Variants in COX10 observed in about 807,000 individuals in gnomAD.
COX10 encodes protoheme IX farnesyltransferase, mitochondrial.
A neutral mutation model predicts 37.3 loss-of-function variants in COX10; 27 were observed. The observed-to-expected ratio is 0.72, with a 90% CI of 0.53 to 1.00. The LOEUF is 1.00. Among genes scored for constraint, COX10 ranks in the 50% least tolerant of loss-of-function variants. The pLI is 0.00. For synonymous variants in COX10, 222 were observed against 229.1 expected (o/e 0.97, Z 0.28); for missense variants, 475 against 563.2 (o/e 0.84, Z 1.59).
intron 4 of COX10, among the ~76,000 whole-genome samples, 173 bp from the exon 5 acceptor site, chr17:14,159,704 T>TTTTG (rs891473032): frequency 6.6e-6 from 1 of 152,258 alleles, no homozygotes; most frequent in East Asian, 1.9e-4. Flanking sequence ...TGTTTTGGTT[T>TTTTG]TTTGTTTGTT....
chr17:14,171,195 C>A (rs1452226329), intron 5 of COX10, among the ~76,000 whole-genome samples: 1 of 152,152 alleles, frequency 6.6e-6, no homozygotes, highest in African/African-American at 2.4e-5. Context: ...CATCGGAACA[C>A]TTTTGTGGAG....
At chr17:14,186,620 T>A (rs1188865699) in intron 5 of COX10, among the ~76,000 whole-genome samples, 9 of 151,848 alleles carry the variant, frequency 5.9e-5, no homozygotes, top group African/African-American at 2.2e-4. Flanking sequence ...GGACCACACC[T>A]GTCTTGCTCA....
At chr17:14,162,365 A>G (rs1395929962) in intron 5 of COX10, among the ~76,000 whole-genome samples, 1 of 152,174 alleles carries the variant, frequency 6.6e-6, no homozygotes, top group Non-Finnish European at 1.5e-5. Context: ...ATAACGCTAT[A>G]TTTGCCTTCA....
At chr17:14,190,688 T>G (rs549306981) in intron 5 of COX10, among the ~76,000 whole-genome samples, 37 of 152,228 alleles carry the variant, frequency 2.4e-4, no homozygotes, top group Middle Eastern at 3.4e-3. Context: ...CATATTCTGT[T>G]GCCCTGACTT....
At chr17:14,124,253 T>C (rs1270057129) in intron 4 of COX10, among the ~76,000 whole-genome samples, 2 of 152,190 alleles carry the variant, frequency 1.3e-5, no homozygotes, top group Non-Finnish European at 2.9e-5. Context: ...GGCACAAAAT[T>C]TGTGACTTGT....
At chr17:14,119,035 C>T (rs1916173328) in intron 4 of COX10, among the ~76,000 whole-genome samples, 1 of 151,936 alleles carries the variant, frequency 6.6e-6, no homozygotes, top group South Asian at 2.1e-4. Context: ...TATTGTTTTC[C>T]ATTTTTTATG....
Position 14,076,587 on chromosome 17 carries a change from A to C in COX10, c.178-148A>C, listed in dbSNP as rs1000736050. 4 of 771,446 alleles carry C rather than the reference A, an allele frequency of 5.2e-6. No individual in the cohort carries two copies. The African/African-American group carries it at 6.9e-5, about 13-fold the overall frequency. The allele number at this position is 771,446 out of a possible 1,614,324, so 47.8% of individuals were successfully genotyped here. A position where few individuals can be genotyped will look rare whatever the true frequency, so the allele number is the denominator to read the frequency against. ...TATAGTGATTTCCATATAGCACTCT[A>C]TAAATACATGCCGAATTAACAGATA... On this transcript the variant is annotated intron_variant, in intron 2 of 6. Coordinates refer to ENST00000261643, the MANE Select transcript of COX10 (RefSeq NM_001303.4).
At chr17:14,155,023 G>A (rs1905002537) in intron 4 of COX10, among the ~76,000 whole-genome samples, 1 of 152,180 alleles carries the variant, frequency 6.6e-6, no homozygotes, top group Non-Finnish European at 1.5e-5. Flanking sequence ...AGTGTGAGAA[G>A]TCCATTAAAT....
chr17:14,118,991 G>T (rs913812009), intron 4 of COX10, among the ~76,000 whole-genome samples: 1 of 150,734 alleles, frequency 6.6e-6, no homozygotes, highest in African/African-American at 2.4e-5. Context: ...TAGTAGGATT[G>T]TTTTTTTCAA....
intron 6 of COX10, 147 bp from the exon 7 acceptor site, chr17:14,206,663 C>G: frequency 9.8e-7 from 1 of 1,019,092 alleles, no homozygotes; most frequent in East Asian, 2.4e-5. Flanking sequence ...CCCAGCCACC[C>G]TGTGATGTAG....
chr17:14,164,196 A>T (rs1905229178), intron 5 of COX10, among the ~76,000 whole-genome samples: 1 of 152,192 alleles, frequency 6.6e-6, no homozygotes, highest in Non-Finnish European at 1.5e-5. Context: ...TTTTTGAGCA[A>T]TCTTGTGAAA....
At chr17:14,115,951 C>G (rs75033744) in intron 4 of COX10, among the ~76,000 whole-genome samples, 1 of 152,172 alleles carries the variant, frequency 6.6e-6, no homozygotes, top group Non-Finnish European at 1.5e-5. Context: ...CCCTAAGAGC[C>G]CAGACTTCAC....
intron 4 of COX10, among the ~76,000 whole-genome samples, chr17:14,132,608 A>G (rs1916491743): frequency 6.6e-6 from 1 of 151,694 alleles, no homozygotes; most frequent in South Asian, 2.1e-4. Context: ...TTACAAATAT[A>G]TTGTTCTACC....
At chr17:14,080,459 C>A (rs1005347727) in intron 3 of COX10, among the ~76,000 whole-genome samples, 1 of 151,958 alleles carries the variant, frequency 6.6e-6, no homozygotes, top group Admixed American at 6.6e-5. Flanking sequence ...GTGATCCACC[C>A]GCCTCGGCCT....
At chr17:14,142,941 T>C (rs1904591042) in intron 4 of COX10, among the ~76,000 whole-genome samples, 1 of 152,196 alleles carries the variant, frequency 6.6e-6, no homozygotes. Context: ...CCCAATATCC[T>C]ATCCACTGTG....
intron 5 of COX10, among the ~76,000 whole-genome samples, chr17:14,168,492 C>T (rs1325222134): frequency 6.6e-6 from 1 of 152,238 alleles, no homozygotes; most frequent in Non-Finnish European, 1.5e-5. Flanking sequence ...CCCCACATTA[C>T]CCTAGCAGAG....
intron 3 of COX10, among the ~76,000 whole-genome samples, chr17:14,100,950 C>T (rs1209606480): frequency 6.6e-6 from 1 of 152,062 alleles, no homozygotes. Context: ...AAGAAGCATC[C>T]TCAGCCTTTA....
intron 4 of COX10, among the ~76,000 whole-genome samples, chr17:14,149,400 T>A (rs1313096660): frequency 6.6e-6 from 1 of 152,210 alleles, no homozygotes; most frequent in Non-Finnish European, 1.5e-5. Context: ...TAACTGCACC[T>A]GTCTACTGAG....
intron 3 of COX10, among the ~76,000 whole-genome samples, chr17:14,099,928 T>C (rs1915739804): frequency 6.6e-6 from 1 of 152,180 alleles, no homozygotes. Context: ...GTTAATGTTA[T>C]CATTCCTTTC....
Sources: allele counts gnomAD v4.1 joint callset (sites outside exome capture counted in the v4.1 genomes callset), GRCh38; gene constraint gnomAD v4.1.1; transcripts MANE v1.5; gene names NCBI Gene and HGNC (gene_info 2026-07-23, HGNC 2026-07-21).